CEP126: variants seen among roughly 807,000 people sequenced by gnomAD.
CEP126 encodes the protein centrosomal protein 126, also known as centrosomal protein of 126 kDa.
Under a neutral mutation model 107.8 loss-of-function variants are expected in CEP126, and 74 were observed. That is an observed-to-expected ratio of 0.69 (90% CI 0.57 to 0.83). CEP126 has a LOEUF of 0.83. Ranked by LOEUF, CEP126 falls within the 40% of genes least tolerant of loss-of-function variation. The probability of loss-of-function intolerance (pLI) is 0.00; values close to 1 mark genes in which losing one functional copy is unlikely to be tolerated. For missense variants in CEP126, 1,237 were observed against 1,281.9 expected, an observed-to-expected ratio of 0.96 and a Z score of 0.53; for synonymous variants, 449 against 446.0, an observed-to-expected ratio of 1.01 and a Z score of -0.08.
intron 2 of CEP126, among the ~76,000 whole-genome samples, chr11:101,930,255 A>G (rs116450296): frequency 1.3e-5 from 2 of 152,136 alleles, no homozygotes; most frequent in Non-Finnish European, 1.5e-5. Flanking sequence ...CAAGTCTCTT[A>G]TATAAAATAG....
At chr11:101,932,658 C>T (rs2137086710) in intron 2 of CEP126, among the ~76,000 whole-genome samples, 1 of 152,012 alleles carries the variant, frequency 6.6e-6, no homozygotes, top group Admixed American at 6.5e-5. Context: ...ACTTTTTTTC[C>T]CCATTTTTAA....
intron 3 of CEP126, among the ~76,000 whole-genome samples, chr11:101,946,866 A>AG (rs1940744040): frequency 6.6e-6 from 1 of 152,226 alleles, no homozygotes. Context: ...TCAAAAAAAA[A>AG]TGGTGGAAGA....
intron 6 of CEP126, among the ~76,000 whole-genome samples, chr11:101,973,642 G>A (rs375615025): frequency 3.3e-5 from 5 of 152,050 alleles, no homozygotes; most frequent in African/African-American, 9.7e-5. Flanking sequence ...TACACATCCT[G>A]TACATGTATC....
intron 4 of CEP126, chr11:101,956,643 TACC>T (rs1940897155): frequency 2.2e-6 from 1 of 456,182 alleles, no homozygotes; most frequent in Admixed American, 2.4e-5. Context: ...TCTCCATCCT[TACC>T]TCCTTCATCT....
intron 6 of CEP126, among the ~76,000 whole-genome samples, chr11:101,967,595 A>G (rs553321576): frequency 6.6e-6 from 1 of 152,304 alleles, no homozygotes; most frequent in African/African-American, 2.4e-5. Flanking sequence ...AATTATTTCA[A>G]ACATCCTCCC....
intron 7 of CEP126, among the ~76,000 whole-genome samples, chr11:101,981,665 A>C (rs1941256005): frequency 6.6e-6 from 1 of 152,132 alleles, no homozygotes; most frequent in Admixed American, 6.6e-5. Flanking sequence ...ATAATCTGAA[A>C]ATTTTTTTGT....
chr11:101,926,224 G>A (rs1329809740), intron 2 of CEP126, among the ~76,000 whole-genome samples: 1 of 152,092 alleles, frequency 6.6e-6, no homozygotes, highest in African/African-American at 2.4e-5. Context: ...TAGACTTAAA[G>A]GACAAGAAAG....
intron 4 of CEP126, among the ~76,000 whole-genome samples, chr11:101,954,097 G>A (rs959298515): frequency 5.3e-5 from 8 of 151,834 alleles, no homozygotes; most frequent in Middle Eastern, 3.4e-3. Flanking sequence ...GTGCAATCTC[G>A]GCTCACTGCA....
chr11:101,917,028 ATGTGTGTGTGTGTGTGTGTGTG>A (rs57573389), intron 1 of CEP126, among the ~76,000 whole-genome samples: 21 of 136,052 alleles, frequency 1.5e-4, no homozygotes, highest in African/African-American at 3.8e-4. Flanking sequence ...AAATCCAACA[ATGTGTGTGTGTGTGTGTGTGTG>A]TGTGTGTGTG....
In CEP126 at chr11:101,915,102, C is replaced by A; in HGVS notation, c.-183C>A. On this transcript the variant is annotated 5_prime_UTR_variant, in exon 1 of 11. Coordinates refer to ENST00000263468, the MANE Select transcript of CEP126 (RefSeq NM_020802.4). ...AGGTCGCCGCTGCCTCAGCTGCCAT[C>A]GCCGCTACAGGCACCAGTGCCGCTG... is the stretch of plus-strand genomic sequence containing the variant. 1 of 851,166 alleles carries A rather than the reference C, an allele frequency of 1.2e-6. No homozygotes were observed. Among genetic ancestry groups the A allele is most frequent in the Non-Finnish European group, 1.7e-6 (1 of 586,334 alleles). The allele number at this position is 851,166 out of a possible 1,614,324, so 52.7% of individuals were successfully genotyped here.
intron 2 of CEP126, among the ~76,000 whole-genome samples, chr11:101,927,449 A>G (rs1031016431): frequency 6.6e-6 from 1 of 152,208 alleles, no homozygotes; most frequent in Non-Finnish European, 1.5e-5. Flanking sequence ...TTGCAAAACT[A>G]TATAGTACAA....
intron 8 of CEP126, among the ~76,000 whole-genome samples, chr11:101,985,395 G>T (rs1254035889): frequency 1.3e-5 from 2 of 151,476 alleles, no homozygotes; most frequent in African/African-American, 4.9e-5. Context: ...CAATTCTCCT[G>T]CATCAGCCTC....
chr11:101,951,685 A>C (rs1940815018), intron 4 of CEP126, among the ~76,000 whole-genome samples: 1 of 152,236 alleles, frequency 6.6e-6, no homozygotes, highest in African/African-American at 2.4e-5. Context: ...AAAAAAGCAA[A>C]AAAATAAAAA....
chr11:101,955,778 T>C, intron 4 of CEP126: 1 of 418,706 alleles, frequency 2.4e-6, no homozygotes, highest in Non-Finnish European at 4.8e-6. Flanking sequence ...CCAAATGCTT[T>C]TCCACCTGTG....
At chr11:101,930,570 A>G (rs1940482886) in intron 2 of CEP126, among the ~76,000 whole-genome samples, 1 of 152,174 alleles carries the variant, frequency 6.6e-6, no homozygotes, top group African/African-American at 2.4e-5. Context: ...ACACCATGGA[A>G]CAGGACCCCA....
intron 2 of CEP126, among the ~76,000 whole-genome samples, chr11:101,937,875 C>T (rs957921100): frequency 2.0e-5 from 3 of 151,454 alleles, no homozygotes; most frequent in East Asian, 2.0e-4. Flanking sequence ...CCATTTTGGC[C>T]GGGCGCGGTG....
chr11:101,959,961 G>A (rs1309344966), intron 5 of CEP126, among the ~76,000 whole-genome samples: 1 of 152,086 alleles, frequency 6.6e-6, no homozygotes, highest in Non-Finnish European at 1.5e-5. Context: ...ATTTCACAAA[G>A]TAGGAATGGA....
At chr11:101,915,710 T>A (rs947859877) in intron 1 of CEP126, among the ~76,000 whole-genome samples, 2 of 152,246 alleles carry the variant, frequency 1.3e-5, no homozygotes, top group Non-Finnish European at 2.9e-5. Context: ...GATATTTTTA[T>A]GCCATTATGT....
At chr11:101,968,551 ATG>A (rs1381385925) in intron 6 of CEP126, among the ~76,000 whole-genome samples, 5 of 152,210 alleles carry the variant, frequency 3.3e-5, no homozygotes, top group Non-Finnish European at 5.9e-5. Context: ...TTGTTGACCA[ATG>A]ATAAATAAAA....
Sources: gnomAD v4.1 joint callset for allele counts (sites outside exome capture counted in the v4.1 genomes callset) on GRCh38, gnomAD v4.1.1 for gene constraint, MANE v1.5 for transcripts, NCBI Gene and HGNC (gene_info 2026-07-23, HGNC 2026-07-21) for gene names.